PTPRG: variants seen among roughly 807,000 people sequenced by gnomAD.
PTPRG encodes the protein receptor-type tyrosine-protein phosphatase gamma.
A neutral mutation model predicts 165.3 loss-of-function variants in PTPRG; 102 were observed. That is an observed-to-expected ratio of 0.62 (90% CI 0.53 to 0.73). PTPRG has a LOEUF of 0.73. Among genes scored for constraint, PTPRG ranks in the 30% least tolerant of loss-of-function variants. The pLI, the probability that PTPRG is intolerant of heterozygous loss-of-function variation, is 0.00. For synonymous variants in PTPRG, 675 were observed against 669.5 expected (o/e 1.01, Z -0.13); for missense variants, 1,866 against 1,861.4 (o/e 1.00, Z -0.05).
chr3:61,854,417 C>CA (rs1023894719), intron 2 of PTPRG, among the ~76,000 whole-genome samples: 3 of 152,100 alleles, frequency 2.0e-5, no homozygotes, highest in Non-Finnish European at 4.4e-5. Context: ...AAGTACCTGG[C>CA]AAAAAATTGA....
chr3:61,850,755 C>T (rs1057351512), intron 2 of PTPRG, among the ~76,000 whole-genome samples: 4 of 152,120 alleles, frequency 2.6e-5, no homozygotes, highest in African/African-American at 4.8e-5. Context: ...TGTACACATA[C>T]GCTGCAGTTT....
chr3:62,096,624 T>C (rs1027347789), intron 5 of PTPRG, among the ~76,000 whole-genome samples: 5 of 152,218 alleles, frequency 3.3e-5, no homozygotes, highest in Non-Finnish European at 7.3e-5. Flanking sequence ...TGCAGCCATA[T>C]TGTAAAACCT....
chr3:61,891,541 A>C (rs1336185776), intron 2 of PTPRG, among the ~76,000 whole-genome samples: 1 of 152,210 alleles, frequency 6.6e-6, no homozygotes, highest in Non-Finnish European at 1.5e-5. Context: ...TGGTGAATCA[A>C]CCTGAGAATC....
intron 2 of PTPRG, among the ~76,000 whole-genome samples, chr3:61,854,718 A>G (rs1197605785): frequency 6.6e-6 from 1 of 152,210 alleles, no homozygotes; most frequent in Non-Finnish European, 1.5e-5. Context: ...GTGAGTGGGC[A>G]ATACTTACCT....
rs556907427 is a variant in PTPRG at position 61,713,327 on chromosome 3, A to ATTTTTTTTTTTT, written c.86-35545_86-35534dup. Among the ~76,000 whole-genome samples the ATTTTTTTTTTTT allele has an allele frequency of 1.5e-3, 205 of 135,476 alleles. 1 individual carries two copies. The highest frequency in any genetic ancestry group is 4.8e-3 in the South Asian group (20 of 4,210). The allele number at this position is 135,476 out of a possible 152,430, so 88.9% of individuals were successfully genotyped here. On this transcript the variant is annotated intron_variant, in intron 1 of 29. Transcript: ENST00000474889. ...AGGCACGTGAGACCACGCTCAGCTA[A>ATTTTTTTTTTTT]TTTTTTTTTTTTTTTTTGTATTTTT...
In PTPRG at chr3:61,763,094, C is replaced by T. The variant is rs556173480; in HGVS notation, c.190+14112C>T. Among the ~76,000 whole-genome samples, 8 of 152,300 alleles carry T rather than the reference C, an allele frequency of 5.3e-5. 1 individual carries two copies. The South Asian group carries it at 1.2e-3, about 24-fold the overall frequency. On this transcript the variant is annotated intron_variant, in intron 2 of 29. Transcript: ENST00000474889. ...CATATTTTGTTGTCCAGACTTGGAT[C>T]GTGTTCTCATGCTTAAACCAATTAT...
At chr3:61,821,745 G>A (rs1231032404) in intron 2 of PTPRG, among the ~76,000 whole-genome samples, 1 of 152,184 alleles carries the variant, frequency 6.6e-6, no homozygotes, top group Non-Finnish European at 1.5e-5. Flanking sequence ...CAGTATGAGC[G>A]ATGACAATAC....
Position 61,562,130 on chromosome 3 carries a change from C to T in PTPRG, c.-158C>T, listed in dbSNP as rs1311404052. On this transcript the variant is annotated 5_prime_UTR_variant, in exon 1 of 30. Coordinates refer to ENST00000474889, the MANE Select transcript of PTPRG (RefSeq NM_002841.4). ...TTTTCCGGGGGGCGCTCGGCGGCTT[C>T]CCGGATTCCAAGGGGACTCGGGCCG... is the stretch of plus-strand genomic sequence containing the variant. The T allele has an allele frequency of 8.4e-6, 4 of 477,472 alleles. No individual in the cohort carries two copies. The highest frequency in any genetic ancestry group is 2.0e-5 in the African/African-American group (1 of 49,184). The allele number at this position is 477,472 out of a possible 1,614,324, so 29.6% of individuals were successfully genotyped here.
chr3:62,184,810 T>C (rs927346113), intron 8 of PTPRG, among the ~76,000 whole-genome samples: 2 of 152,176 alleles, frequency 1.3e-5, no homozygotes, highest in African/African-American at 4.8e-5. Context: ...CTGCACCGAA[T>C]TGGTTTGTTT....
intron 1 of PTPRG, among the ~76,000 whole-genome samples, chr3:61,715,184 T>G (rs949762146): frequency 1.4e-5 from 2 of 143,148 alleles, no homozygotes; most frequent in Non-Finnish European, 3.1e-5. Context: ...TTTTTCTTTG[T>G]TTTTTTTTTT....
intron 4 of PTPRG, among the ~76,000 whole-genome samples, chr3:62,028,269 A>G (rs1442312623): frequency 6.6e-6 from 1 of 152,170 alleles, no homozygotes; most frequent in African/African-American, 2.4e-5. Context: ...GGTGACATCT[A>G]CATTACTCTG....
chr3:61,669,431 A>T (rs1358157745), intron 1 of PTPRG, among the ~76,000 whole-genome samples: 2 of 152,142 alleles, frequency 1.3e-5, no homozygotes, highest in African/African-American at 4.8e-5. Context: ...CAGCACAGTC[A>T]CAGCTGGTCT....
intron 1 of PTPRG, among the ~76,000 whole-genome samples, chr3:61,637,486 CAG>C (rs1701943964): frequency 6.6e-6 from 1 of 152,160 alleles, no homozygotes; most frequent in Non-Finnish European, 1.5e-5. Flanking sequence ...AGGATGAAAA[CAG>C]AGGCCAGAGA....
In PTPRG at chr3:62,293,608, C is replaced by T. The variant is rs927143435; in HGVS notation, c.*301C>T. 4.6e-6 allele frequency: 1 copy of T among 217,860 alleles called. No individual in the cohort carries two copies. The highest frequency in any genetic ancestry group is 2.3e-5 in the African/African-American group (1 of 43,856). The allele number at this position is 217,860 out of a possible 1,614,324, so 13.5% of individuals were successfully genotyped here. A position where few individuals can be genotyped will look rare whatever the true frequency, so the allele number is the denominator to read the frequency against. ...GTGACATTCCATGACGACATACATG[C>T]TACTTTTTTTTAGTTCAATACAGTG... On this transcript the variant is annotated 3_prime_UTR_variant, in exon 30 of 30. Transcript: ENST00000474889.
intron 1 of PTPRG, among the ~76,000 whole-genome samples, chr3:61,596,546 T>G (rs899528180): frequency 1.3e-5 from 2 of 152,122 alleles, no homozygotes; most frequent in Admixed American, 6.5e-5. Context: ...ATCTGAGGCT[T>G]TAAAGCAAGC....
intron 1 of PTPRG, among the ~76,000 whole-genome samples, chr3:61,651,436 A>C (rs1170111870): frequency 6.6e-6 from 1 of 151,986 alleles, no homozygotes; most frequent in Non-Finnish European, 1.5e-5. Flanking sequence ...ATATGCTCAC[A>C]CAGTTGCTCA....
chr3:61,580,031 T>C (rs1472533090), intron 1 of PTPRG, among the ~76,000 whole-genome samples: 1 of 152,200 alleles, frequency 6.6e-6, no homozygotes, highest in Non-Finnish European at 1.5e-5. Context: ...ATAAAAAATA[T>C]GTCATAAATG....
At chr3:62,123,369 T>TG (rs984109914) in intron 5 of PTPRG, among the ~76,000 whole-genome samples, 2 of 152,018 alleles carry the variant, frequency 1.3e-5, no homozygotes, top group Admixed American at 1.3e-4. Context: ...TCTCAGCCTC[T>TG]GGGGTAGCTA....
At chr3:62,072,669 T>TC in intron 4 of PTPRG, among the ~76,000 whole-genome samples, 1 of 152,130 alleles carries the variant, frequency 6.6e-6, no homozygotes, top group South Asian at 2.1e-4. Flanking sequence ...ATATATAGTA[T>TC]CTGCTATCTC....
Sources: allele counts gnomAD v4.1 joint callset (sites outside exome capture counted in the v4.1 genomes callset), GRCh38; gene constraint gnomAD v4.1.1; transcripts MANE v1.5; gene names NCBI Gene and HGNC (gene_info 2026-07-23, HGNC 2026-07-21).